ABCA8: variants seen among roughly 807,000 people sequenced by gnomAD.
ABCA8 encodes ABC-type organic anion transporter ABCA8.
Under a neutral mutation model 192.3 loss-of-function variants are expected in ABCA8, and 177 were observed. That is an observed-to-expected ratio of 0.92 (90% CI 0.81 to 1.04). The LOEUF (loss-of-function observed/expected upper bound fraction) is 1.04, where lower values mean the gene tolerates loss of function less well. Ranked by LOEUF, ABCA8 falls within the 50% of genes least tolerant of loss-of-function variation. The pLI is 0.00. For missense variants in ABCA8, 1,915 were observed against 1,904.8 expected, an observed-to-expected ratio of 1.01 and a Z score of -0.10; for synonymous variants, 642 against 690.2, an observed-to-expected ratio of 0.93 and a Z score of 1.09.
At chr17:68,888,334 A>G (rs1440301669) in intron 24 of ABCA8, among the ~76,000 whole-genome samples, 3 of 152,156 alleles carry the variant, frequency 2.0e-5, no homozygotes, top group Non-Finnish European at 4.4e-5. Flanking sequence ...CAGTATAATC[A>G]ATAGGTTTGT....
At chr17:68,925,216 C>A (rs148063737) in intron 10 of ABCA8, among the ~76,000 whole-genome samples, 1 of 151,388 alleles carries the variant, frequency 6.6e-6, no homozygotes, top group Admixed American at 6.6e-5. Flanking sequence ...GGTGTCATTA[C>A]ATAGGCAAAG....
chr17:68,948,731 C>T (rs61695303), intron 2 of ABCA8, among the ~76,000 whole-genome samples: 1,547 of 152,134 alleles, frequency 0.01, 36 homozygotes, highest in African/African-American at 0.035. Context: ...GCTGTGCAGA[C>T]GCTCTTTAGT....
chr17:68,897,124 T>C (rs909349152), intron 21 of ABCA8, among the ~76,000 whole-genome samples: 2 of 152,218 alleles, frequency 1.3e-5, no homozygotes, highest in Non-Finnish European at 2.9e-5. Flanking sequence ...AACTTATGCA[T>C]ATGGGCATTT....
chr17:68,884,184 C>A (rs184153769), intron 28 of ABCA8, 147 bp downstream of exon 28: 57 of 845,426 alleles, frequency 6.7e-5, no homozygotes, highest in Admixed American at 6.2e-4. Context: ...AAAAATAATT[C>A]TTCCGGATTT....
chr17:68,894,198 C>T lies in ABCA8; in HGVS notation c.3011G>A (p.Arg1004Gln), dbSNP rs147411028. ...LGMVKPSVHIRTERSTFLENG... is the reference protein window; with the variant it reads ...LGMVKPSVHIQTERSTFLENG... ...CTCCAAAAATGTACTTCTTTCAGTT[C>T]GGATATGTACTGATGGTTTAACCAT... Residue 1004 changes from arginine (R) to glutamine (Q), a missense_variant, in exon 23 of 40, where the codon CGA becomes CAA. Arg to Gln is a conservative substitution (Grantham distance 43). Coordinates refer to ENST00000586539, the MANE Select transcript of ABCA8 (RefSeq NM_001288985.2). The T allele has an allele frequency of 5.7e-4, 927 of 1,613,166 alleles. 7 individuals carry two copies. The African/African-American group carries it at 0.01, about 18-fold the overall frequency.
intron 10 of ABCA8, among the ~76,000 whole-genome samples, chr17:68,926,738 T>C (rs1200308364): frequency 6.6e-6 from 1 of 152,188 alleles, no homozygotes; most frequent in Non-Finnish European, 1.5e-5. Flanking sequence ...GAAGAGACAG[T>C]AATTCTTAAA....
intron 4 of ABCA8, 91 bp from the exon 5 acceptor site, chr17:68,937,206 C>A: frequency 9.1e-7 from 1 of 1,101,468 alleles, no homozygotes. Context: ...CTAGAGTTTT[C>A]TATGGAAATA....
At chr17:68,879,508 G>A (rs1052721952) in intron 32 of ABCA8, 4 of 152,242 alleles carry the variant, frequency 2.6e-5, no homozygotes, top group African/African-American at 7.2e-5. Flanking sequence ...CAGCAAGGGA[G>A]ACGTCTTAAT....
chr17:68,874,353 C>T (rs767589839), intron 37 of ABCA8, among the ~76,000 whole-genome samples: 4 of 152,182 alleles, frequency 2.6e-5, no homozygotes, highest in East Asian at 3.8e-4. Context: ...GTAATTGAGC[C>T]TCTGGTTAGA....
intron 29 of ABCA8, among the ~76,000 whole-genome samples, 166 bp downstream of exon 29, chr17:68,883,625 T>G (rs182219350): frequency 8.5e-4 from 129 of 152,342 alleles, no homozygotes; most frequent in African/African-American, 2.5e-3. Flanking sequence ...GATCATAATC[T>G]TCTTGGGTTT....
intron 1 of ABCA8, among the ~76,000 whole-genome samples, chr17:68,953,981 T>C (rs942423580): frequency 6.6e-6 from 1 of 152,092 alleles, no homozygotes; most frequent in Non-Finnish European, 1.5e-5. Context: ...GTTTCTGGGT[T>C]CTTAAAGCAG....
Position 68,885,315 on chromosome 17 carries a change from C to T in ABCA8, c.3430G>A (p.Val1144Ile), listed in dbSNP as rs143548476. 3.6e-4 allele frequency: 583 copies of T among 1,604,586 alleles called. 2 individuals carry two copies. Among genetic ancestry groups the T allele is most frequent in the Middle Eastern group, 2.2e-3 (13 of 6,004 alleles). Residue 1144 changes from valine to isoleucine, a missense_variant and splice_region_variant, in exon 27 of 40, where the codon GTC becomes ATC. Transcript: ENST00000586539. ...SGIWSFCFYV[V>I]TVFSVAGFAF... The stretch of plus-strand genomic sequence containing the variant: ...AATCCAGCCACAGAGAATACAGTGA[C>T]CTAAAAGAAGCAAATATGAAGGTTA...
intron 11 of ABCA8, 28 bp from the exon 12 acceptor site, chr17:68,922,328 T>C (rs914786666): frequency 7.6e-7 from 1 of 1,322,240 alleles, no homozygotes; most frequent in Non-Finnish European, 1.0e-6. Context: ...TACTTCAAAG[T>C]GACAATTTTC....
chr17:68,940,046 A>T (rs1367425606), intron 4 of ABCA8, among the ~76,000 whole-genome samples: 1 of 152,092 alleles, frequency 6.6e-6, no homozygotes, highest in South Asian at 2.1e-4. Context: ...CTCTGACTCT[A>T]AGTCTAGTTC....
At chr17:68,903,646 A>G (rs556673830) in intron 19 of ABCA8, 147 bp from the exon 20 acceptor site, 51 of 668,166 alleles carry the variant, frequency 7.6e-5, no homozygotes, top group African/African-American at 7.6e-4. Flanking sequence ...ATACAGAAAT[A>G]GAAGAAATAT....
intron 29 of ABCA8, 44 bp downstream of exon 29, chr17:68,883,747 C>T (rs372702339): frequency 2.7e-4 from 336 of 1,262,308 alleles, no homozygotes; most frequent in South Asian, 4.0e-4. Context: ...AAATATTTTA[C>T]GATATTGATC....
chr17:68,885,267 C>A lies in ABCA8; in HGVS notation c.3478G>T (p.Asp1160Tyr). 6.2e-7 allele frequency: 1 copy of A among 1,613,316 alleles called. No homozygotes were observed. The highest frequency in any genetic ancestry group is 8.5e-7 in the Non-Finnish European group (1 of 1,179,648). Residue 1160 changes from aspartate (D) to tyrosine (Y), a missense_variant, in exon 27 of 40, where the codon GAT (aspartate) becomes TAT (tyrosine). Transcript: ENST00000586539. ...AAAAAAGTGAAGATAAATGGAATAT[C>A]ACTTTCGAAGATACTGAACGCAAAT... ...AGFAFSIFES[D>Y]IPFIFTFLIP...
At chr17:68,875,218 G>C (rs1302672498) in intron 37 of ABCA8, 42 bp downstream of exon 37, 2 of 1,609,976 alleles carry the variant, frequency 1.2e-6, no homozygotes, top group Non-Finnish European at 1.7e-6. Flanking sequence ...ACAAGTAACA[G>C]TGAACATTTG....
At chr17:68,907,923 A>G (rs772293199) in intron 17 of ABCA8, 44 bp from the exon 18 acceptor site, 7 of 1,494,200 alleles carry the variant, frequency 4.7e-6, no homozygotes, top group East Asian at 4.6e-5. Flanking sequence ...TACTCGACAT[A>G]GTCTCCAATA....
Sources: gnomAD v4.1 joint callset for allele counts (sites outside exome capture counted in the v4.1 genomes callset) on GRCh38, gnomAD v4.1.1 for gene constraint, MANE v1.5 for transcripts, NCBI Gene and HGNC (gene_info 2026-07-23, HGNC 2026-07-21) for gene names.